The following SOX5 variants were observed in gnomAD, a reference collection of about 807,000 sequenced individuals.
SOX5 encodes the protein SRY-box transcription factor 5, also known as transcription factor SOX-5.
A neutral mutation model predicts 92.0 loss-of-function variants in SOX5; 9 were observed. The observed-to-expected ratio is 0.10, with a 90% confidence interval of 0.06 to 0.17. The LOEUF (loss-of-function observed/expected upper bound fraction) is 0.17. SOX5 is among the 10% of genes least tolerant of loss of function. The pLI, the probability that SOX5 is intolerant of heterozygous loss-of-function variation, is 1.00. For missense variants in SOX5, 642 were observed against 944.5 expected (o/e 0.68, Z 4.20); for synonymous variants, 344 against 336.3 (o/e 1.02, Z -0.25).
chr12:24,416,067 G>A (rs1346558736), intron 1 of SOX5, among the ~76,000 whole-genome samples: 1 of 152,222 alleles, frequency 6.6e-6, no homozygotes, highest in Non-Finnish European at 1.5e-5. Context: ...TGGAGCTGCA[G>A]TGAGACAGTG....
At chr12:23,542,761 C>T (rs1942357677) in intron 13 of SOX5, among the ~76,000 whole-genome samples, 1 of 152,164 alleles carries the variant, frequency 6.6e-6, no homozygotes. Flanking sequence ...ACCCTCACCC[C>T]CACAACAAGA....
chr12:24,434,106 G>T (rs943785674), intron 1 of SOX5, among the ~76,000 whole-genome samples: 1 of 152,134 alleles, frequency 6.6e-6, no homozygotes, highest in Non-Finnish European at 1.5e-5. Context: ...CAAACTCAGA[G>T]ATACCAAGTC....
intron 1 of SOX5, among the ~76,000 whole-genome samples, chr12:24,370,974 G>A (rs1956678270): frequency 1.3e-5 from 2 of 152,132 alleles, no homozygotes; most frequent in South Asian, 4.1e-4. Context: ...CTGAAATGTT[G>A]AATATGCTCA....
At chr12:23,957,308 T>A (rs1475166893) in intron 4 of SOX5, among the ~76,000 whole-genome samples, 1 of 152,222 alleles carries the variant, frequency 6.6e-6, no homozygotes, top group Non-Finnish European at 1.5e-5. Flanking sequence ...TTTTCAAAAC[T>A]AATTTTATGA....
chr12:24,497,480 G>C (rs1179136798), intron 1 of SOX5, among the ~76,000 whole-genome samples: 1 of 152,122 alleles, frequency 6.6e-6, no homozygotes, highest in African/African-American at 2.4e-5. Flanking sequence ...TTTAGAGTTT[G>C]CCAGGCCAGG....
intron 2 of SOX5, among the ~76,000 whole-genome samples, chr12:23,888,478 C>T (rs1012865355): frequency 6.6e-6 from 1 of 152,054 alleles, no homozygotes; most frequent in African/African-American, 2.4e-5. Context: ...TTACTCTCAA[C>T]AGAAGTACTT....
intron 2 of SOX5, among the ~76,000 whole-genome samples, chr12:24,344,323 C>A (rs73064434): frequency 0.037 from 4,941 of 134,856 alleles, 97 homozygotes; most frequent in Middle Eastern, 0.066. Flanking sequence ...AAGTAAGATA[C>A]AAATGGTGCC....
rs2093552261 is a variant in SOX5 at position 23,735,395 on chromosome 12, C to A, written c.742-643G>T. On this transcript the variant is annotated intron_variant, in intron 5 of 14. Coordinates refer to ENST00000451604, the MANE Select transcript of SOX5 (RefSeq NM_006940.6). ...CTTTTGACCTCTCATCAGAATTCAACACTCAAATGTTTTCCCCGATCATGA... is the reference window on the plus strand; with the variant it reads ...CTTTTGACCTCTCATCAGAATTCAAAACTCAAATGTTTTCCCCGATCATGA... 2.0e-5 allele frequency among the ~76,000 whole-genome samples: 3 copies of A among 152,204 alleles called. No individual in the cohort carries two copies. The South Asian group carries it at 6.2e-4, about 32-fold the overall frequency.
chr12:23,633,461 T>G (rs1292518654), intron 8 of SOX5, among the ~76,000 whole-genome samples: 1 of 152,134 alleles, frequency 6.6e-6, no homozygotes, highest in Non-Finnish European at 1.5e-5. Context: ...AATAGTGATA[T>G]TCATTTTTAA....
intron 10 of SOX5, among the ~76,000 whole-genome samples, chr12:23,570,256 T>C (rs1269701615): frequency 1.3e-5 from 2 of 152,202 alleles, no homozygotes; most frequent in Non-Finnish European, 2.9e-5. Context: ...CCCTGATAGG[T>C]AGACAATTTT....
rs56243419 is a variant in SOX5, at chr12:24,339,163, CCACACACACACA to C, written c.-174+29388_-174+29399del. Among the ~76,000 whole-genome samples the C allele has an allele frequency of 1.6e-3, 224 of 140,468 alleles. 2 individuals carry two copies. Among genetic ancestry groups the C allele is most frequent in the Admixed American group, 2.9e-3 (40 of 13,820 alleles). 92.2% of individuals were successfully genotyped at this position (140,468 alleles called of 152,430 possible). ...GTTTCTCTCTCTCTCTCTCTCTCTG[CCACACACACACA>C]CACACACACACACACACACACACAC... On this transcript the variant is annotated intron_variant, in intron 2 of 4. Coordinates refer to the SOX5 transcript ENST00000446891.
intron 3 of SOX5, among the ~76,000 whole-genome samples, chr12:23,831,979 C>T (rs949755754): frequency 3.3e-5 from 5 of 151,534 alleles, no homozygotes; most frequent in African/African-American, 7.3e-5. Context: ...CACACACACA[C>T]ACACAGAGGC....
intron 2 of SOX5, among the ~76,000 whole-genome samples, chr12:23,891,182 A>C (rs1167075937): frequency 6.6e-6 from 1 of 151,996 alleles, no homozygotes; most frequent in Non-Finnish European, 1.5e-5. Context: ...GAATAAATGA[A>C]CTTTAAGTAT....
intron 4 of SOX5, among the ~76,000 whole-genome samples, chr12:24,023,520 T>C (rs1434551832): frequency 2.0e-5 from 3 of 152,144 alleles, no homozygotes; most frequent in Non-Finnish European, 4.4e-5. Flanking sequence ...TTGACTCTTT[T>C]AGATAGTTTG....
chr12:23,862,495 C>A (rs781271712), intron 2 of SOX5, among the ~76,000 whole-genome samples: 1 of 152,102 alleles, frequency 6.6e-6, no homozygotes, highest in Admixed American at 6.6e-5. Context: ...ATCTGGCCAA[C>A]GAAGACTGGC....
intron 3 of SOX5, among the ~76,000 whole-genome samples, chr12:23,776,508 T>A (rs1437170978): frequency 3.3e-5 from 5 of 152,226 alleles, no homozygotes; most frequent in African/African-American, 7.2e-5. Context: ...CCTTGAGATG[T>A]TGAAGACTTA....
At chr12:24,231,346 T>C (rs564804099) in intron 3 of SOX5, among the ~76,000 whole-genome samples, 4 of 152,340 alleles carry the variant, frequency 2.6e-5, no homozygotes, top group African/African-American at 9.6e-5. Flanking sequence ...AGGACTGTTT[T>C]GTGACTGATT....
At chr12:23,688,915 T>C (rs942643048) in intron 6 of SOX5, among the ~76,000 whole-genome samples, 9 of 152,096 alleles carry the variant, frequency 5.9e-5, no homozygotes, top group African/African-American at 2.2e-4. Context: ...TAGATGAGAG[T>C]ATATCCTTTC....
At chr12:24,448,295 T>G (rs1052753532) in intron 1 of SOX5, among the ~76,000 whole-genome samples, 2 of 152,094 alleles carry the variant, frequency 1.3e-5, no homozygotes, top group Non-Finnish European at 2.9e-5. Flanking sequence ...AAATGAGAGA[T>G]TCTTATAAGG....
Sources: gnomAD v4.1 joint callset for allele counts (sites outside exome capture counted in the v4.1 genomes callset) on GRCh38, gnomAD v4.1.1 for gene constraint, MANE v1.5 for transcripts, NCBI Gene and HGNC (gene_info 2026-07-23, HGNC 2026-07-21) for gene names.